EYA2: variants seen among roughly 807,000 people sequenced by gnomAD.
EYA2 encodes the protein protein phosphatase EYA2.
In EYA2, 31 loss-of-function variants were observed where a neutral mutation model predicts 69.2. The ratio of observed to expected loss-of-function variants is 0.45; its 90% confidence interval spans 0.34 to 0.60. The LOEUF is 0.60. EYA2 is among the 20% of genes least tolerant of loss of function. The probability of loss-of-function intolerance (pLI) is 0.02; values close to 1 mark genes in which losing one functional copy is unlikely to be tolerated. For missense variants in EYA2, 622 were observed against 701.2 expected, an observed-to-expected ratio of 0.89 and a Z score of 1.28; for synonymous variants, 257 against 279.4, an observed-to-expected ratio of 0.92 and a Z score of 0.80.
intron 9 of EYA2, among the ~76,000 whole-genome samples, chr20:47,111,693 C>T (rs1309459020): frequency 6.6e-6 from 1 of 152,216 alleles, no homozygotes; most frequent in Non-Finnish European, 1.5e-5. Context: ...CTGCTGCATT[C>T]TGTCAGCAAA....
intron 9 of EYA2, among the ~76,000 whole-genome samples, chr20:47,105,644 AC>A (rs11479087): frequency 0.1 from 14,085 of 139,752 alleles, 970 homozygotes; most frequent in South Asian, 0.18. Context: ...AAAAAAAGGA[AC>A]CTGCCCAAAT....
chr20:47,188,010 A>G, intron 15 of EYA2, 43 bp from the exon 16 acceptor site: 2 of 1,548,492 alleles, frequency 1.3e-6, no homozygotes, highest in Non-Finnish European at 1.7e-6. Flanking sequence ...ACCCGGGGGC[A>G]GGGGCGGGGC....
chr20:46,964,709 G>A (rs1002848705), intron 1 of EYA2, among the ~76,000 whole-genome samples: 2 of 152,174 alleles, frequency 1.3e-5, no homozygotes, highest in East Asian at 1.9e-4. Context: ...TAGGATTCCC[G>A]TTTCACAGAT....
chr20:47,171,858 A>G (rs572368814), intron 11 of EYA2, among the ~76,000 whole-genome samples: 1 of 152,246 alleles, frequency 6.6e-6, no homozygotes, highest in East Asian at 1.9e-4. Flanking sequence ...TTGGGAGCCC[A>G]AGGCGGGTGG....
At chr20:47,133,732 G>T (rs940798592) in intron 9 of EYA2, among the ~76,000 whole-genome samples, 2 of 152,138 alleles carry the variant, frequency 1.3e-5, no homozygotes, top group African/African-American at 4.8e-5. Context: ...AGGGGAGCAC[G>T]GACACTCCAC....
At chr20:47,166,076 C>G (rs1326957438) in intron 10 of EYA2, among the ~76,000 whole-genome samples, 1 of 151,744 alleles carries the variant, frequency 6.6e-6, no homozygotes, top group Non-Finnish European at 1.5e-5. Flanking sequence ...CCCACCATCC[C>G]CCTGCAAAGC....
chr20:47,116,492 A>G (rs1345480013), intron 9 of EYA2, among the ~76,000 whole-genome samples: 2 of 151,124 alleles, frequency 1.3e-5, no homozygotes, highest in Non-Finnish European at 2.9e-5. Flanking sequence ...ATCCTTCTTA[A>G]AAGGCTGGAA....
At chr20:47,058,985 T>TA (rs1475939954) in intron 5 of EYA2, among the ~76,000 whole-genome samples, 7 of 152,310 alleles carry the variant, frequency 4.6e-5, no homozygotes, top group African/African-American at 1.7e-4. Flanking sequence ...CCCGAAACAC[T>TA]AGTGCATGTT....
chr20:47,032,260 T>C (rs1490093777), intron 5 of EYA2, among the ~76,000 whole-genome samples: 2 of 152,232 alleles, frequency 1.3e-5, no homozygotes, highest in African/African-American at 4.8e-5. Flanking sequence ...TGTGCTTCTT[T>C]CCCTGGGCCC....
chr20:46,899,842 T>C (rs1027802850), intron 1 of EYA2, among the ~76,000 whole-genome samples: 36 of 152,346 alleles, frequency 2.4e-4, no homozygotes, highest in African/African-American at 8.2e-4. Context: ...TCATCGCCTT[T>C]GGATGATAGT....
chr20:46,981,036 C>G (rs1005713568), intron 1 of EYA2, among the ~76,000 whole-genome samples: 1 of 152,138 alleles, frequency 6.6e-6, no homozygotes, highest in South Asian at 2.1e-4. Flanking sequence ...TGAAAAGCTT[C>G]TTTTTAGATC....
At chr20:47,182,049 CTT>C (rs1207376249) in intron 14 of EYA2, among the ~76,000 whole-genome samples, 1 of 151,796 alleles carries the variant, frequency 6.6e-6, no homozygotes, top group Non-Finnish European at 1.5e-5. Context: ...GAGTTTCTCT[CTT>C]GTTGCCCAGG....
At chr20:46,996,941 T>C (rs1600623356) in intron 2 of EYA2, among the ~76,000 whole-genome samples, 1 of 150,616 alleles carries the variant, frequency 6.6e-6, no homozygotes, top group Admixed American at 6.6e-5. Flanking sequence ...GTAGAGGTGG[T>C]CTGAATATAC....
At chr20:47,170,711 C>T (rs1214380785) in intron 11 of EYA2, among the ~76,000 whole-genome samples, 1 of 151,850 alleles carries the variant, frequency 6.6e-6, no homozygotes, top group Non-Finnish European at 1.5e-5. Flanking sequence ...CAAGCCTGCC[C>T]CTGGGAAAAC....
chr20:47,156,089 TACACACAC>T (rs748282079), intron 10 of EYA2, among the ~76,000 whole-genome samples: 37 of 30,956 alleles, frequency 1.2e-3, no homozygotes, highest in East Asian at 7.2e-3. Context: ...TATATATACA[TACACACAC>T]ACACACACAC....
intron 1 of EYA2, among the ~76,000 whole-genome samples, chr20:46,896,417 A>C (rs541671902): frequency 3.3e-5 from 5 of 150,808 alleles, no homozygotes; most frequent in African/African-American, 1.2e-4. Context: ...AAAAAAAAAG[A>C]GGTACACAAA....
intron 12 of EYA2, among the ~76,000 whole-genome samples, chr20:47,173,384 C>T (rs62201427): frequency 2.6e-5 from 4 of 151,536 alleles, no homozygotes; most frequent in African/African-American, 7.3e-5. Context: ...GATTGTTGTC[C>T]GCAGACCAAC....
chr20:47,111,259 G>A (rs2032741441), intron 9 of EYA2, among the ~76,000 whole-genome samples: 1 of 152,212 alleles, frequency 6.6e-6, no homozygotes, highest in Non-Finnish European at 1.5e-5. Context: ...GAAAACAAAA[G>A]GCATGAGAAG....
intron 1 of EYA2, among the ~76,000 whole-genome samples, chr20:46,963,043 A>G (rs734600): frequency 0.95 from 145,382 of 152,292 alleles, 69,778 homozygotes; most frequent in Middle Eastern, 0.99. Flanking sequence ...GGATGACGGC[A>G]AGTGGCGTTT....
Sources: allele counts gnomAD v4.1 joint callset (sites outside exome capture counted in the v4.1 genomes callset), GRCh38; gene constraint gnomAD v4.1.1; transcripts MANE v1.5; gene names NCBI Gene and HGNC (gene_info 2026-07-23, HGNC 2026-07-21).